The following RPS6KC1 variants were observed in gnomAD, a reference collection of about 807,000 sequenced individuals.
RPS6KC1 encodes inactive ribosomal protein S6 kinase delta-1.
A neutral mutation model predicts 103.8 loss-of-function variants in RPS6KC1; 54 were observed. The ratio of observed to expected loss-of-function variants is 0.52; its 90% confidence interval spans 0.42 to 0.65. RPS6KC1 has a LOEUF of 0.65. Among genes scored for constraint, RPS6KC1 ranks in the 30% least tolerant of loss-of-function variants. The pLI, the probability that RPS6KC1 is intolerant of heterozygous loss-of-function variation, is 0.00. For missense variants in RPS6KC1, 1,151 were observed against 1,253.8 expected (o/e 0.92, Z 1.24); for synonymous variants, 439 against 438.7 (o/e 1.00, Z -0.01).
chr1:213,836,305 C>A, the RPS6KC1 span, among the ~76,000 whole-genome samples: 1 of 151,896 alleles, frequency 6.6e-6, no homozygotes, highest in African/African-American at 2.4e-5. Flanking sequence ...ATAATGCAAC[C>A]CTAATCAAAT....
chr1:213,182,367 T>C (rs936697154), intron 8 of RPS6KC1, among the ~76,000 whole-genome samples: 1 of 152,244 alleles, frequency 6.6e-6, no homozygotes, highest in Non-Finnish European at 1.5e-5. Context: ...GGTGCACGAC[T>C]GTAGTCCCAG....
chr1:213,735,970 C>T, the RPS6KC1 span, among the ~76,000 whole-genome samples: 710 of 152,194 alleles, frequency 4.7e-3, 7 homozygotes, highest in Middle Eastern at 0.041. Context: ...GAGGTGGCCC[C>T]GATGCAGAGA....
At chr1:213,680,765 C>T in the RPS6KC1 span, among the ~76,000 whole-genome samples, 1 of 152,056 alleles carries the variant, frequency 6.6e-6, no homozygotes, top group African/African-American at 2.4e-5. Context: ...GTTTGAGATG[C>T]TGCTCAGGGA....
At chr1:213,091,874 T>C (rs948422098) in intron 3 of RPS6KC1, among the ~76,000 whole-genome samples, 10 of 152,236 alleles carry the variant, frequency 6.6e-5, no homozygotes, top group African/African-American at 2.2e-4. Flanking sequence ...TAAAAAATTA[T>C]TGTTCTCAAG....
At chr1:213,329,663 T>C in the RPS6KC1 span, among the ~76,000 whole-genome samples, 60 of 152,232 alleles carry the variant, frequency 3.9e-4, no homozygotes, top group Admixed American at 1.8e-3. Flanking sequence ...CGGAGATAGC[T>C]GTCTTAGGCT....
At chr1:213,648,989 A>T in the RPS6KC1 span, among the ~76,000 whole-genome samples, 35 of 152,120 alleles carry the variant, frequency 2.3e-4, no homozygotes, top group Non-Finnish European at 4.3e-4. Context: ...AGGAACAAGC[A>T]CTAGGACACG....
At chr1:213,448,766 TA>T in the RPS6KC1 span, among the ~76,000 whole-genome samples, 3 of 81,364 alleles carry the variant, frequency 3.7e-5, no homozygotes, top group Admixed American at 1.4e-4. Flanking sequence ...GGCAATCTGT[TA>T]CAAAAAAAAA....
chr1:213,165,789 TCAGGTGATC>T (rs2090911483), intron 6 of RPS6KC1, among the ~76,000 whole-genome samples: 1 of 152,158 alleles, frequency 6.6e-6, no homozygotes, highest in Non-Finnish European at 1.5e-5. Flanking sequence ...ACTCCTGACC[TCAGGTGATC>T]CATCTGCCTC....
At chr1:213,666,390 A>G in the RPS6KC1 span, among the ~76,000 whole-genome samples, 3 of 152,266 alleles carry the variant, frequency 2.0e-5, no homozygotes, top group East Asian at 1.9e-4. Context: ...GCAGCAGTCC[A>G]TCACCTCCCG....
chr1:213,202,689 C>T (rs1049064708), intron 8 of RPS6KC1, among the ~76,000 whole-genome samples: 1 of 152,030 alleles, frequency 6.6e-6, no homozygotes, highest in Non-Finnish European at 1.5e-5. Flanking sequence ...CCTACAGTGA[C>T]AAATAGGGTT....
At chr1:213,543,219 G>C in the RPS6KC1 span, among the ~76,000 whole-genome samples, 3 of 152,212 alleles carry the variant, frequency 2.0e-5, no homozygotes, top group Non-Finnish European at 4.4e-5. Context: ...TGTGAGGACA[G>C]CAATGAGCTG....
chr1:213,503,077 T>A, the RPS6KC1 span, among the ~76,000 whole-genome samples: 333 of 152,268 alleles, frequency 2.2e-3, 2 homozygotes, highest in South Asian at 9.3e-3. Flanking sequence ...TTTTTTTCTT[T>A]TGTATTCTGT....
At chr1:213,397,588 TACACACACACAC>T in the RPS6KC1 span, among the ~76,000 whole-genome samples, 3 of 140,374 alleles carry the variant, frequency 2.1e-5, no homozygotes, top group Non-Finnish European at 4.6e-5. Context: ...CAGGAACACA[TACACACACACAC>T]ACACACACAC....
At chr1:213,738,362 G>A in the RPS6KC1 span, among the ~76,000 whole-genome samples, 10 of 152,062 alleles carry the variant, frequency 6.6e-5, no homozygotes, top group Non-Finnish European at 1.3e-4. Flanking sequence ...CAATGAAAGA[G>A]AGAAACAAAC....
intron 6 of RPS6KC1, among the ~76,000 whole-genome samples, chr1:213,146,955 T>G (rs530610175): frequency 6.6e-6 from 1 of 152,328 alleles, no homozygotes; most frequent in South Asian, 2.1e-4. Context: ...ATCAGTGATG[T>G]TGAGCACCTT....
intron 7 of RPS6KC1, among the ~76,000 whole-genome samples, chr1:213,169,070 A>C (rs902759595): frequency 1.1e-4 from 17 of 152,202 alleles, no homozygotes; most frequent in Non-Finnish European, 2.4e-4. Context: ...AAGTAAAAAA[A>C]AAAATTTCTG....
At chr1:213,861,032 C>T in the RPS6KC1 span, among the ~76,000 whole-genome samples, 1 of 152,100 alleles carries the variant, frequency 6.6e-6, no homozygotes, top group African/African-American at 2.4e-5. Flanking sequence ...TGGTCTCAAA[C>T]CCCTGGCCTC....
intron 12 of RPS6KC1, among the ~76,000 whole-genome samples, chr1:213,259,543 A>G (rs2094730013): frequency 6.6e-6 from 1 of 152,188 alleles, no homozygotes; most frequent in African/African-American, 2.4e-5. Flanking sequence ...AGCTTGGGCT[A>G]CAGAGTGAGA....
chr1:213,313,635 A>G, the RPS6KC1 span, among the ~76,000 whole-genome samples: 1 of 152,188 alleles, frequency 6.6e-6, no homozygotes, highest in African/African-American at 2.4e-5. Flanking sequence ...TGATAATGCT[A>G]TTGCCACAAA....
Sources: gnomAD v4.1 joint callset for allele counts (sites outside exome capture counted in the v4.1 genomes callset) on GRCh38, gnomAD v4.1.1 for gene constraint, MANE v1.5 for transcripts, NCBI Gene and HGNC (gene_info 2026-07-23, HGNC 2026-07-21) for gene names.